The following PTPRA variants were observed in gnomAD, a reference collection of about 807,000 sequenced individuals.
PTPRA encodes the protein receptor-type tyrosine-protein phosphatase alpha.
Under a neutral mutation model 104.8 loss-of-function variants are expected in PTPRA, and 25 were observed. That is an observed-to-expected ratio of 0.24 (90% CI 0.17 to 0.33). The LOEUF is 0.33. Ranked by LOEUF, PTPRA falls within the 10% of genes least tolerant of loss-of-function variation. PTPRA has a pLI of 1.00. For missense variants in PTPRA, 765 were observed against 1,015.3 expected, an observed-to-expected ratio of 0.75 and a Z score of 3.35; for synonymous variants, 323 against 368.9, an observed-to-expected ratio of 0.88 and a Z score of 1.43.
chr20:3,005,551 A>G (rs2063824043), intron 10 of PTPRA, among the ~76,000 whole-genome samples: 1 of 151,916 alleles, frequency 6.6e-6, no homozygotes, highest in Non-Finnish European at 1.5e-5. Flanking sequence ...ACCGTGTCTC[A>G]AAAAAATAAA....
In PTPRA at chr20:2,917,289, A is replaced by C. The variant is rs542418273; in HGVS notation, c.-128-5918A>C. Among the ~76,000 whole-genome samples the C allele has an allele frequency of 2.6e-5, 4 of 152,056 alleles. No homozygotes were observed. In the East Asian group the frequency reaches 5.8e-4, roughly 22 times the overall value. The stretch of plus-strand genomic sequence containing the variant: ...ATAAATAAATAAATAAAGACATAAG[A>C]TGTCTTTCCATTTATTTAGGGTCTC... On this transcript the variant is annotated intron_variant, in intron 1 of 23. Transcript: ENST00000399903.
chr20:2,988,501 T>G, intron 9 of PTPRA, 27 bp downstream of exon 9: 1 of 1,607,588 alleles, frequency 6.2e-7, no homozygotes, highest in Non-Finnish European at 8.5e-7. Flanking sequence ...GGCTGGTGTA[T>G]CAGCAGGGAA....
chr20:2,881,127 T>C (rs1429897598), intron 1 of PTPRA, among the ~76,000 whole-genome samples: 1 of 151,618 alleles, frequency 6.6e-6, no homozygotes, highest in Non-Finnish European at 1.5e-5. Context: ...GCCAACACAG[T>C]GAAACCCCAT....
chr20:2,872,835 C>G (rs1010904170), upstream of PTPRA, among the ~76,000 whole-genome samples: 5 of 152,230 alleles, frequency 3.3e-5, no homozygotes, highest in African/African-American at 1.2e-4. The surrounding 1 kb of genome is among the most constrained non-coding windows in gnomAD (Gnocchi z 7.9). Context: ...CAAAAGGCAC[C>G]TCCATCGCAG....
chr20:3,005,228 A>G lies in PTPRA; in HGVS notation c.829+82A>G. ...TTTCTGAAGATGGAAAGAATCTTGC[A>G]ATTGGGCACAGCAGGGTGAATAACA... On this transcript the variant is annotated intron_variant, in intron 10 of 23. Transcript: ENST00000399903. 3 of 1,332,550 alleles carry G rather than the reference A, an allele frequency of 2.3e-6. No individual in the cohort carries two copies. The South Asian group carries it at 3.6e-5, about 16-fold the overall frequency. The allele number at this position is 1,332,550 out of a possible 1,614,324, so 82.5% of individuals were successfully genotyped here. A position where few individuals can be genotyped will look rare whatever the true frequency, so the allele number is the denominator to read the frequency against.
At position 3,035,575 on chromosome 20, in the gene PTPRA, G is replaced by A. The variant is rs772096679; in HGVS notation, c.1921-10G>A. The A allele has an allele frequency of 6.2e-7, 1 of 1,608,910 alleles. No homozygotes were observed. Among genetic ancestry groups the A allele is most frequent in the Non-Finnish European group, 8.5e-7 (1 of 1,175,352 alleles). ...TCTGAGCTCCTCACCTCTCCAACCT[G>A]TCTCTCCAGGAGAAGTGTGCCCAGT... is the stretch of plus-strand genomic sequence containing the variant. On this transcript the variant is annotated splice_polypyrimidine_tract_variant and intron_variant, in intron 20 of 23. Coordinates refer to ENST00000399903, the MANE Select transcript of PTPRA (RefSeq NM_001385305.1). This position sits in a 1 kb window ranked among gnomAD's most constrained non-coding sequence, Gnocchi z 5.8.
chr20:2,895,786 T>C (rs1012080546), intron 1 of PTPRA, among the ~76,000 whole-genome samples: 1 of 151,804 alleles, frequency 6.6e-6, no homozygotes, highest in Non-Finnish European at 1.5e-5. Context: ...GCCTTGGCCT[T>C]CCAAAGTGCT....
chr20:3,035,596 C>T lies in PTPRA; in HGVS notation c.1932C>T (p.Ala644=), dbSNP rs146971179. 6.2e-7 allele frequency: 1 copy of T among 1,612,094 alleles called. No individual in the cohort carries two copies. The highest frequency in any genetic ancestry group is 1.3e-5 in the African/African-American group (1 of 74,950). The change falls in exon 21 of 24, where the codon GCC becomes GCT. Residue 644 remains alanine, a synonymous_variant. Transcript: ENST00000399903. The surrounding 1 kb of genome is among the most constrained non-coding windows in gnomAD (Gnocchi z 5.8). ...ACCTGTCTCTCCAGGAGAAGTGTGC[C>T]CAGTACTGGCCATCTGATGGACTGG... ...ELEERGQEKC[A]QYWPSDGLVS... is the part of the protein sequence containing the mutation.
At chr20:2,875,344 CTT>C (rs1345272438) in intron 1 of PTPRA, among the ~76,000 whole-genome samples, 2 of 152,188 alleles carry the variant, frequency 1.3e-5, no homozygotes, top group Non-Finnish European at 2.9e-5. Flanking sequence ...CCTTCAGTCT[CTT>C]TTCACCTCTG....
intron 9 of PTPRA, among the ~76,000 whole-genome samples, chr20:2,989,861 C>A (rs968848858): frequency 4.0e-5 from 6 of 151,674 alleles, no homozygotes; most frequent in East Asian, 2.0e-4. Context: ...ACTAAAAATA[C>A]AAAAAATTAG....
At chr20:3,031,620 A>G (rs1472496059) in intron 20 of PTPRA, among the ~76,000 whole-genome samples, 1 of 151,988 alleles carries the variant, frequency 6.6e-6, no homozygotes, top group African/African-American at 2.4e-5. Context: ...GAATCTCAAC[A>G]AGGCATCCGC....
At chr20:2,970,275 A>G (rs1391034551) in intron 5 of PTPRA, among the ~76,000 whole-genome samples, 1 of 152,178 alleles carries the variant, frequency 6.6e-6, no homozygotes, top group Non-Finnish European at 1.5e-5. Context: ...TTAAGTCTGC[A>G]TTTATAAATT....
chr20:2,879,913 A>T (rs1220598893), intron 1 of PTPRA, among the ~76,000 whole-genome samples: 1 of 152,204 alleles, frequency 6.6e-6, no homozygotes, highest in Non-Finnish European at 1.5e-5. Context: ...ATGAAATCAC[A>T]TCAGGACTCA....
rs1294051436 is a variant in PTPRA at position 2,965,070 on chromosome 20, A to G, written c.283A>G (p.Asn95Asp). 6.2e-7 allele frequency: 1 copy of G among 1,614,038 alleles called. No individual in the cohort carries two copies. The highest frequency in any genetic ancestry group is 8.5e-7 in the Non-Finnish European group (1 of 1,179,922). Reference sequence around the variant, plus strand: ...TGGGACCACAAGAACAGCAAGCACCAATTCTATAGGCATTACAATTTCACC... The same window carrying G: ...TGGGACCACAAGAACAGCAAGCACCGATTCTATAGGCATTACAATTTCACC... Reference protein sequence around the residue: ...DNGTTRTASTNSIGITISPNG... With the variant: ...DNGTTRTASTDSIGITISPNG... The change falls in exon 5 of 24, where the codon AAT becomes GAT. Residue 95 changes from asparagine (N) to aspartate (D), a missense_variant. Asn to Asp is a conservative substitution (Grantham distance 23, BLOSUM62 1). Around this residue, in one of 4 missense-constraint regions of PTPRA, gnomAD observed 256 missense variants for 248.9 expected, o/e 1.03. Coordinates refer to ENST00000399903, the MANE Select transcript of PTPRA (RefSeq NM_001385305.1).
Position 2,915,439 on chromosome 20 carries a change from C to A in PTPRA, c.-128-7768C>A, listed in dbSNP as rs1222621464. Among the ~76,000 whole-genome samples, 4 of 151,742 alleles carry A rather than the reference C, an allele frequency of 2.6e-5. No individual in the cohort carries two copies. In the East Asian group the frequency reaches 7.8e-4, roughly 29 times the overall value. The stretch of plus-strand genomic sequence containing the variant: ...GAGAAATGTCTCTTAAATTCTTTGC[C>A]TATTTTTTAAATTGGGGGGAAGTTG... On this transcript the variant is annotated intron_variant, in intron 1 of 23. Transcript: ENST00000399903.
intron 1 of PTPRA, among the ~76,000 whole-genome samples, chr20:2,876,795 C>T (rs892250470): frequency 6.6e-6 from 1 of 152,154 alleles, no homozygotes; most frequent in Non-Finnish European, 1.5e-5. Flanking sequence ...TTTATCCTCT[C>T]CCCCAAAGTG....
the PTPRA span, chr20:2,866,839 T>G: frequency 4.5e-6 from 2 of 445,006 alleles, no homozygotes; most frequent in Non-Finnish European, 7.9e-6. Flanking sequence ...GGACCGGAGG[T>G]GGGGGCTTCT....
intron 11 of PTPRA, among the ~76,000 whole-genome samples, chr20:3,012,106 T>C (rs1307565569): frequency 6.6e-6 from 1 of 151,794 alleles, no homozygotes; most frequent in Non-Finnish European, 1.5e-5. Context: ...GGAGCAGGAG[T>C]GGGTACTAAG....
chr20:2,882,115 T>C (rs2090087654), intron 1 of PTPRA, among the ~76,000 whole-genome samples: 1 of 152,162 alleles, frequency 6.6e-6, no homozygotes, highest in Admixed American at 6.5e-5. Context: ...GAAAATAATT[T>C]TGTCAGGAAA....
Sources: gnomAD v4.1 joint callset for allele counts (sites outside exome capture counted in the v4.1 genomes callset) on GRCh38, gnomAD v4.1.1 for gene constraint, gnomAD v4.1.1 regional missense constraint, Gnocchi (gnomAD v3.1) non-coding constraint, MANE v1.5 for transcripts, NCBI Gene and HGNC (gene_info 2026-07-23, HGNC 2026-07-21) for gene names.